Variants in RAB30 observed in about 807,000 individuals in gnomAD.
The protein encoded by RAB30 is ras-related protein Rab-30.
Under a neutral mutation model 25.1 loss-of-function variants are expected in RAB30, and 9 were observed. The ratio of observed to expected loss-of-function variants is 0.36; its 90% CI spans 0.22 to 0.63. The LOEUF (loss-of-function observed/expected upper bound fraction) is 0.63, where lower values mean the gene tolerates loss of function less well. Among genes scored for constraint, RAB30 ranks in the 20% least tolerant of loss-of-function variants. RAB30 has a pLI of 0.69. For missense variants in RAB30, 140 were observed against 243.5 expected, an observed-to-expected ratio of 0.58 and a Z score of 2.83; for synonymous variants, 77 against 86.4, an observed-to-expected ratio of 0.89 and a Z score of 0.60.
intron 1 of RAB30, among the ~76,000 whole-genome samples, chr11:83,005,682 G>C (rs1002970540): frequency 1.3e-5 from 2 of 151,924 alleles, no homozygotes; most frequent in Non-Finnish European, 2.9e-5. Context: ...AAACCTTAAA[G>C]TAGAGAAGGC....
intron 1 of RAB30, among the ~76,000 whole-genome samples, chr11:83,046,599 T>C (rs1858239050): frequency 6.6e-6 from 1 of 152,024 alleles, no homozygotes; most frequent in Non-Finnish European, 1.5e-5. Context: ...GTTCAAGCCA[T>C]CTCCCCACCT....
intron 1 of RAB30, among the ~76,000 whole-genome samples, chr11:83,050,553 C>G (rs9971399): frequency 0.026 from 3,977 of 152,240 alleles, 142 homozygotes; most frequent in African/African-American, 0.082. Context: ...TTCATTGTTA[C>G]CTGGCCTGCA....
rs971189423 is a variant in RAB30, at chr11:82,981,722, C to T, written c.*443G>A. The T allele has an allele frequency of 1.0e-4, 17 of 163,696 alleles. No individual in the cohort carries two copies. The highest frequency in any genetic ancestry group is 4.1e-4 in the Admixed American group (7 of 17,116). The allele number at this position is 163,696 out of a possible 1,614,324, so 10.1% of individuals were successfully genotyped here. On this transcript the variant is annotated 3_prime_UTR_variant, in exon 5 of 5. Transcript: ENST00000527633. ...ACGCACCACAGAGACTGTACTTGGC[C>T]TTCCCAGTTTTGGTTTATCTGGTAG...
At chr11:83,016,934 A>G (rs906518595) in intron 1 of RAB30, among the ~76,000 whole-genome samples, 9 of 152,154 alleles carry the variant, frequency 5.9e-5, no homozygotes, top group African/African-American at 1.2e-4. Context: ...AGGACCCTCA[A>G]TGGTTGCCCT....
At chr11:83,029,245 A>G (rs1857795156) in intron 1 of RAB30, among the ~76,000 whole-genome samples, 1 of 152,134 alleles carries the variant, frequency 6.6e-6, no homozygotes, top group Non-Finnish European at 1.5e-5. Flanking sequence ...GTTGTGTTCA[A>G]ATATTTTAAA....
intron 1 of RAB30, among the ~76,000 whole-genome samples, chr11:83,021,133 T>C (rs116119450): frequency 0.016 from 2,504 of 152,318 alleles, 65 homozygotes; most frequent in African/African-American, 0.056. Context: ...CTCTGAGCTG[T>C]TGTATTGCTC....
chr11:83,001,794 G>T (rs117001981), intron 1 of RAB30, among the ~76,000 whole-genome samples: 4 of 152,204 alleles, frequency 2.6e-5, no homozygotes, highest in Non-Finnish European at 5.9e-5. Flanking sequence ...GACAACAAAA[G>T]TCATGCCTCA....
chr11:83,050,648 T>C (rs1171510357), intron 1 of RAB30, among the ~76,000 whole-genome samples: 1 of 152,234 alleles, frequency 6.6e-6, no homozygotes, highest in Non-Finnish European at 1.5e-5. Context: ...AAGTGATGAA[T>C]ATGATCCTTC....
intron 1 of RAB30, among the ~76,000 whole-genome samples, chr11:83,033,622 C>G (rs749476014): frequency 6.6e-6 from 1 of 152,148 alleles, no homozygotes; most frequent in Admixed American, 6.5e-5. Context: ...AAGTTAATAA[C>G]AGAGTTATGA....
chr11:83,008,811 C>T (rs774297147), intron 1 of RAB30, among the ~76,000 whole-genome samples: 12 of 152,114 alleles, frequency 7.9e-5, no homozygotes, highest in South Asian at 2.1e-4. Context: ...TCTCCCCCAC[C>T]CAGCCTACTG....
chr11:83,056,549 T>C (rs1325606734), intron 1 of RAB30, among the ~76,000 whole-genome samples: 3 of 152,234 alleles, frequency 2.0e-5, no homozygotes, highest in African/African-American at 7.2e-5. Flanking sequence ...TGACATGTGA[T>C]GGGCTCTCAA....
rs915319020 is a variant in RAB30, at chr11:82,977,400, T to A, written c.*4765A>T. 6.6e-6 allele frequency: 1 copy of A among 152,150 alleles called. No homozygotes were observed. The highest frequency in any genetic ancestry group is 2.4e-5 in the African/African-American group (1 of 41,442). 9.4% of individuals were successfully genotyped at this position (152,150 alleles called of 1,614,324 possible). A position where few individuals can be genotyped will look rare whatever the true frequency, so the allele number is the denominator to read the frequency against. On this transcript the variant is annotated 3_prime_UTR_variant, in exon 5 of 5. Transcript: ENST00000527633. The stretch of plus-strand genomic sequence containing the variant: ...ATTAACAGATATTTAATTGAACATG[T>A]TATGAGAGGCAAAGTACTACATACA...
At chr11:83,048,301 GA>G (rs1318689576) in intron 1 of RAB30, among the ~76,000 whole-genome samples, 1 of 151,964 alleles carries the variant, frequency 6.6e-6, no homozygotes, top group Non-Finnish European at 1.5e-5. Flanking sequence ...GCAACATAGT[GA>G]AATCCTAAAA....
At chr11:82,997,591 A>G (rs865978293) in intron 1 of RAB30, 1 of 361,062 alleles carries the variant, frequency 2.8e-6, no homozygotes, top group East Asian at 5.7e-5. Flanking sequence ...CCAAGCTATC[A>G]TGTCGCAGTT....
chr11:83,011,804 G>A (rs1437623060), intron 1 of RAB30, among the ~76,000 whole-genome samples: 1 of 152,052 alleles, frequency 6.6e-6, no homozygotes, highest in African/African-American at 2.4e-5. Context: ...TGTTCTGCTT[G>A]TTTTCCCTGC....
chr11:82,987,700 T>C lies in RAB30; in HGVS notation c.248A>G (p.Asn83Ser), dbSNP rs760759599. The C allele has an allele frequency of 1.2e-6, 2 of 1,613,594 alleles. No homozygotes were observed. Among genetic ancestry groups the C allele is most frequent in the South Asian group, 1.1e-5 (1 of 91,032 alleles). ...AATGTCATAGGTGAGGATCAAGGCATTGGCGCTTCGGTAGTAACTCTGGGT... is the reference window on the plus strand; with the variant it reads ...AATGTCATAGGTGAGGATCAAGGCACTGGCGCTTCGGTAGTAACTCTGGGT... Reference protein sequence around the residue: ...SITQSYYRSANALILTYDITC... With the variant: ...SITQSYYRSASALILTYDITC... Residue 83 changes from asparagine (N) to serine (S), a missense_variant, in exon 4 of 5, where the codon AAT becomes AGT. Transcript: ENST00000527633.
intron 1 of RAB30, among the ~76,000 whole-genome samples, chr11:83,061,584 CTG>C (rs1396786885): frequency 6.6e-6 from 1 of 151,728 alleles, no homozygotes; most frequent in Non-Finnish European, 1.5e-5. Flanking sequence ...GAAAAAGTAT[CTG>C]TGTGTGTGCA....
At chr11:83,057,071 A>G (rs1858472338) in intron 1 of RAB30, among the ~76,000 whole-genome samples, 1 of 149,890 alleles carries the variant, frequency 6.7e-6, no homozygotes, top group Non-Finnish European at 1.5e-5. Context: ...ATACAGCTAT[A>G]GCTCCTCAGA....
intron 1 of RAB30, among the ~76,000 whole-genome samples, chr11:83,014,664 AAGAAAGAAAGAAAG>A (rs1857386397): frequency 6.7e-6 from 1 of 149,490 alleles, no homozygotes; most frequent in Non-Finnish European, 1.5e-5. Context: ...GAAAGAAAGA[AAGAAAGAAAGAAAG>A]AAAGAAAGAA....
Sources: allele counts gnomAD v4.1 joint callset (sites outside exome capture counted in the v4.1 genomes callset), GRCh38; gene constraint gnomAD v4.1.1; transcripts MANE v1.5; gene names NCBI Gene and HGNC (gene_info 2026-07-23, HGNC 2026-07-21).